Variants in RANBP3 observed in about 807,000 individuals in gnomAD.
RANBP3 encodes RAN binding protein 3, also known as ran-binding protein 3.
RANBP3 carries 14 observed loss-of-function variants against 77.3 expected under a neutral mutation model. The ratio of observed to expected loss-of-function variants is 0.18; its 90% confidence interval spans 0.12 to 0.28. The LOEUF (loss-of-function observed/expected upper bound fraction) is 0.28, where lower values mean the gene tolerates loss of function less well. Among genes scored for constraint, RANBP3 ranks in the 10% least tolerant of loss-of-function variants. The pLI, the probability that RANBP3 is intolerant of heterozygous loss-of-function variation, is 1.00. For synonymous variants in RANBP3, 315 were observed against 312.4 expected (o/e 1.01, Z -0.09); for missense variants, 586 against 752.3 (o/e 0.78, Z 2.59).
intron 1 of RANBP3, among the ~76,000 whole-genome samples, chr19:5,970,094 C>T (rs2058513350): frequency 6.6e-6 from 1 of 152,172 alleles, no homozygotes; most frequent in Non-Finnish European, 1.5e-5. Context: ...GAAACTGTTA[C>T]AGACATCTAG....
At chr19:5,939,010 C>A (rs2058100304) in intron 5 of RANBP3, among the ~76,000 whole-genome samples, 1 of 151,968 alleles carries the variant, frequency 6.6e-6, no homozygotes, top group Non-Finnish European at 1.5e-5. Flanking sequence ...CAGGTGAAAC[C>A]CTGTCTCTAC....
intron 10 of RANBP3, 102 bp from the exon 11 acceptor site, chr19:5,925,007 G>A: frequency 9.4e-7 from 1 of 1,065,742 alleles, no homozygotes; most frequent in South Asian, 1.3e-5. Context: ...AGGGCACAGT[G>A]GAGGGGCCTC....
intron 1 of RANBP3, among the ~76,000 whole-genome samples, chr19:5,977,755 C>T (rs950700439): frequency 1.3e-5 from 2 of 152,228 alleles, no homozygotes; most frequent in African/African-American, 4.8e-5. Context: ...GGCCGCGCCT[C>T]CCGCCCCCTT....
chr19:5,923,122 GCCCAGCCCTTGCGGTTGGA>G lies in RANBP3; in HGVS notation c.1209+53_1209+71del, dbSNP rs377375166. ...AGGCCTGTGTGCTCAGAGGATGTGG[GCCCAGCCCTTGCGGTTGGA>G]CCCCCAGGTGCATGGAAGACCCAGG... On this transcript the variant is annotated intron_variant, in intron 13 of 16. Transcript: ENST00000340578. The G allele has an allele frequency of 7.2e-5, 89 of 1,234,166 alleles. No individual in the cohort carries two copies. The African/African-American group carries it at 1.2e-3, about 16-fold the overall frequency. 76.5% of individuals were successfully genotyped at this position (1,234,166 alleles called of 1,614,324 possible).
intron 14 of RANBP3, among the ~76,000 whole-genome samples, chr19:5,920,685 T>C (rs2057806365): frequency 6.6e-6 from 1 of 152,174 alleles, no homozygotes. Flanking sequence ...GTAGCTGGGA[T>C]TACAGACATG....
chr19:5,975,768 T>C (rs1264210072), intron 1 of RANBP3, among the ~76,000 whole-genome samples: 4 of 150,588 alleles, frequency 2.7e-5, no homozygotes, highest in Admixed American at 6.7e-5. Context: ...TAAAGTAACA[T>C]ATATGAGTAA....
intron 2 of RANBP3, among the ~76,000 whole-genome samples, chr19:5,954,278 T>TG (rs1433454632): frequency 6.6e-6 from 1 of 152,134 alleles, no homozygotes; most frequent in Non-Finnish European, 1.5e-5. Flanking sequence ...CCACAGTTGA[T>TG]GAGACTTCTT....
chr19:5,921,192 G>T lies in RANBP3; in HGVS notation c.1330+9C>A. ...GACCCGGCCACAGCCCCCGCCGTCG[G>T]CAGCTCACCTAGTCGGGACTGTAGT... On this transcript the variant is annotated intron_variant, in intron 14 of 16. Transcript: ENST00000340578. This position sits in a 1 kb window ranked among gnomAD's most constrained non-coding sequence, Gnocchi z 5.3. 6.2e-7 allele frequency: 1 copy of T among 1,607,570 alleles called. No homozygotes were observed.
At position 5,924,556 on chromosome 19, in the gene RANBP3, T is replaced by C. The variant is rs2057875527; in HGVS notation, c.996+271A>G. Among the ~76,000 whole-genome samples, 1 of 152,254 alleles carries C rather than the reference T, an allele frequency of 6.6e-6. No homozygotes were observed. The highest frequency in any genetic ancestry group is 1.5e-5 in the Non-Finnish European group (1 of 68,046). ...TGGACCCCGACTGCCAGCAGGACCC[T>C]GCAGCCTCCAGGGAAGCCCATCTTG... On this transcript the variant is annotated intron_variant, in intron 11 of 16. Coordinates refer to ENST00000340578, the MANE Select transcript of RANBP3 (RefSeq NM_007322.3). The surrounding 1 kb of genome is among the most constrained non-coding windows in gnomAD (Gnocchi z 4.7).
At chr19:5,956,918 G>A (rs1295563466) in intron 2 of RANBP3, among the ~76,000 whole-genome samples, 16 of 152,180 alleles carry the variant, frequency 1.1e-4, no homozygotes, top group Admixed American at 9.2e-4. Context: ...AAAATGCACC[G>A]AATTCAGCAC....
At chr19:5,935,975 G>T (rs1013795675) in intron 5 of RANBP3, 10 of 330,360 alleles carry the variant, frequency 3.0e-5, no homozygotes, top group Middle Eastern at 5.8e-4. Context: ...AGAGGAAGAG[G>T]ACCCCTCCCG....
chr19:5,963,940 T>C (rs1173575199), intron 1 of RANBP3, among the ~76,000 whole-genome samples: 1 of 152,164 alleles, frequency 6.6e-6, no homozygotes, highest in Non-Finnish European at 1.5e-5. Flanking sequence ...ACAATTGTGA[T>C]CCTGTGATGA....
rs2057866729 is a variant in RANBP3, at chr19:5,924,037, G to A, written c.997-123C>T. 2 of 730,150 alleles carry A rather than the reference G, an allele frequency of 2.7e-6. No individual in the cohort carries two copies. Among genetic ancestry groups the A allele is most frequent in the East Asian group, 2.7e-5 (1 of 36,694 alleles). 45.2% of individuals were successfully genotyped at this position (730,150 alleles called of 1,614,324 possible). ...CCCCCAGCACTCCTGCCCACTCCCGGTGACACCCTGAACTGCCTGGGAGCT... is the reference window on the plus strand; with the variant it reads ...CCCCCAGCACTCCTGCCCACTCCCGATGACACCCTGAACTGCCTGGGAGCT... On this transcript the variant is annotated intron_variant, in intron 11 of 16. Transcript: ENST00000340578. This position sits in a 1 kb window ranked among gnomAD's most constrained non-coding sequence, Gnocchi z 4.7.
At position 5,925,718 on chromosome 19, in the gene RANBP3, T is replaced by G. The variant is rs2057898046; in HGVS notation, c.833A>C (p.Asp278Ala). 6.2e-7 allele frequency: 1 copy of G among 1,613,744 alleles called. No homozygotes were observed. Residue 278 changes from aspartate to alanine, a missense_variant, in exon 10 of 17, where the codon GAC becomes GCC. By Grantham distance (126) the Asp-to-Ala change is moderately radical. Around this residue, in one of 5 missense-constraint regions of RANBP3, gnomAD observed 232 missense variants for 271.7 expected, o/e 0.85. Coordinates refer to ENST00000340578, the MANE Select transcript of RANBP3 (RefSeq NM_007322.3). Reference protein sequence around the residue: ...DRVKLINESVDEADMENAGHP... With the variant: ...DRVKLINESVAEADMENAGHP... ...TCCAGCATTCTCCATGTCGGCTTCG[T>G]CCACGCTCTCATTTATCAGCTGGGA... is the stretch of plus-strand genomic sequence containing the variant.
chr19:5,964,862 G>GGGT, intron 1 of RANBP3, among the ~76,000 whole-genome samples: 1 of 115,994 alleles, frequency 8.6e-6, no homozygotes, highest in East Asian at 3.2e-4. Flanking sequence ...TGGGGGGGGG[G>GGGT]GTGGCACGGT....
chr19:5,945,947 C>T (rs1201346376), intron 3 of RANBP3, among the ~76,000 whole-genome samples: 2 of 152,082 alleles, frequency 1.3e-5, no homozygotes, highest in Non-Finnish European at 1.5e-5. Context: ...AGCTCTAGCC[C>T]CCCGAGAACG....
intron 1 of RANBP3, chr19:5,965,980 G>A (rs1344541190): frequency 6.6e-6 from 1 of 152,200 alleles, no homozygotes; most frequent in Non-Finnish European, 1.5e-5. Context: ...GGTGGGCCCG[G>A]GTCTTCGGGC....
At chr19:5,956,219 CA>C (rs2058333430) in intron 2 of RANBP3, among the ~76,000 whole-genome samples, 1 of 152,144 alleles carries the variant, frequency 6.6e-6, no homozygotes, top group South Asian at 2.1e-4. Context: ...AAAAATGGTT[CA>C]AAAGATAATA....
At chr19:5,962,999 A>T (rs992137034) in intron 1 of RANBP3, among the ~76,000 whole-genome samples, 7 of 152,150 alleles carry the variant, frequency 4.6e-5, no homozygotes, top group Admixed American at 6.5e-5. Context: ...GGCTTCAACA[A>T]CCTGCTTCAA....
Sources: allele counts gnomAD v4.1 joint callset (sites outside exome capture counted in the v4.1 genomes callset), GRCh38; gene constraint gnomAD v4.1.1; regional missense constraint gnomAD v4.1.1; non-coding constraint Gnocchi (gnomAD v3.1); transcripts MANE v1.5; gene names NCBI Gene and HGNC (gene_info 2026-07-23, HGNC 2026-07-21).